FGD4: variants seen among roughly 807,000 people sequenced by gnomAD.
FGD4 encodes the protein FYVE, RhoGEF and PH domain-containing protein 4.
In FGD4, 42 loss-of-function variants were observed where a neutral mutation model predicts 102.0. The observed-to-expected ratio is 0.41, with a 90% CI of 0.32 to 0.53. The LOEUF is 0.53. FGD4 is among the 20% of genes least tolerant of loss of function. FGD4 has a pLI of 0.21. For missense variants in FGD4, 902 were observed against 1,078.2 expected, an observed-to-expected ratio of 0.84 and a Z score of 2.29; for synonymous variants, 380 against 375.7, an observed-to-expected ratio of 1.01 and a Z score of -0.13.
At chr12:32,437,978 T>C (rs1309223216) in intron 1 of FGD4, among the ~76,000 whole-genome samples, 1 of 152,162 alleles carries the variant, frequency 6.6e-6, no homozygotes, top group African/African-American at 2.4e-5. Flanking sequence ...CTGCAGGCTC[T>C]ACTCTCGGGT....
Position 32,640,925 on chromosome 12 carries a change from C to A in FGD4, c.*392C>A. The A allele has an allele frequency of 2.9e-6, 1 of 346,878 alleles. No homozygotes were observed. The highest frequency in any genetic ancestry group is 4.5e-5 in the Admixed American group (1 of 22,470). The allele number at this position is 346,878 out of a possible 1,614,324, so 21.5% of individuals were successfully genotyped here. A position where few individuals can be genotyped will look rare whatever the true frequency, so the allele number is the denominator to read the frequency against. ...TTTGAAAGATATACCTCCATGTTGC[C>A]AAAATAGATCCATGGTGAAAAATAC... On this transcript the variant is annotated 3_prime_UTR_variant, in exon 17 of 17. Coordinates refer to ENST00000534526, the MANE Select transcript of FGD4 (RefSeq NM_001370298.3).
intron 1 of FGD4, among the ~76,000 whole-genome samples, chr12:32,426,758 T>C (rs1378425777): frequency 6.6e-6 from 1 of 152,190 alleles, no homozygotes; most frequent in Non-Finnish European, 1.5e-5. Flanking sequence ...TATTGGTCTA[T>C]TCAGGAATTC....
chr12:32,595,515 A>G (rs1470521749), intron 4 of FGD4, among the ~76,000 whole-genome samples: 1 of 152,170 alleles, frequency 6.6e-6, no homozygotes, highest in Non-Finnish European at 1.5e-5. Context: ...TCCTATTGCC[A>G]AAGCCTTCAG....
intron 14 of FGD4, among the ~76,000 whole-genome samples, chr12:32,627,090 C>T (rs1394859117): frequency 2.6e-5 from 4 of 151,692 alleles, no homozygotes; most frequent in Non-Finnish European, 4.4e-5. Flanking sequence ...TCAGGTGATC[C>T]GCCCGCCTCG....
intron 1 of FGD4, among the ~76,000 whole-genome samples, chr12:32,495,695 C>CAAAAAAAAAAAAAA (rs766436638): frequency 8.8e-4 from 67 of 76,012 alleles, no homozygotes; most frequent in Middle Eastern, 7.8e-3. Context: ...GACTCTGTTT[C>CAAAAAAAAAAAAAA]AAAAAAAAAA....
chr12:32,513,470 A>T (rs769982491), intron 1 of FGD4, among the ~76,000 whole-genome samples: 14 of 152,182 alleles, frequency 9.2e-5, no homozygotes, highest in Non-Finnish European at 1.9e-4. Context: ...CTGCCAGGCA[A>T]CATGGTTCTT....
At chr12:32,457,204 A>G (rs991517730) in intron 1 of FGD4, among the ~76,000 whole-genome samples, 1 of 151,278 alleles carries the variant, frequency 6.6e-6, no homozygotes, top group Non-Finnish European at 1.5e-5. Flanking sequence ...ACCAAGAAAA[A>G]CAGTGAAGTT....
intron 8 of FGD4, among the ~76,000 whole-genome samples, chr12:32,609,746 A>G (rs1949025528): frequency 6.6e-6 from 1 of 152,224 alleles, no homozygotes; most frequent in African/African-American, 2.4e-5. Context: ...CATTCTGTCC[A>G]GCAGTACACT....
intron 1 of FGD4, among the ~76,000 whole-genome samples, chr12:32,495,435 G>C (rs959046668): frequency 3.3e-5 from 5 of 152,100 alleles, no homozygotes; most frequent in African/African-American, 1.2e-4. Flanking sequence ...GGTGGCTCAC[G>C]CCTGTAATCC....
At chr12:32,511,249 T>C (rs1939330036) in intron 1 of FGD4, 1 of 152,238 alleles carries the variant, frequency 6.6e-6, no homozygotes, top group Non-Finnish European at 1.5e-5. Flanking sequence ...GCAACCATGG[T>C]AAATCTGCTT....
At chr12:32,531,824 G>A (rs1392771973) in intron 1 of FGD4, among the ~76,000 whole-genome samples, 1 of 152,194 alleles carries the variant, frequency 6.6e-6, no homozygotes, top group East Asian at 1.9e-4. Flanking sequence ...CCCACCTGAT[G>A]AGAAACTGCT....
rs1009392285 is a variant in FGD4, at chr12:32,563,490, A to C, written c.167-647A>C. Among the ~76,000 whole-genome samples the C allele has an allele frequency of 7.3e-5, 11 of 149,960 alleles. No homozygotes were observed. In the South Asian group the frequency reaches 8.4e-4, roughly 11 times the overall value. ...TCACTTCCTAGATGAGATGGCGGCC[A>C]GGCAGAGACACTCCTCACTTTCCAG... On this transcript the variant is annotated intron_variant, in intron 1 of 16. Coordinates refer to ENST00000534526, the MANE Select transcript of FGD4 (RefSeq NM_001370298.3).
chr12:32,518,761 G>T (rs1940170134), intron 1 of FGD4, among the ~76,000 whole-genome samples: 2 of 151,754 alleles, frequency 1.3e-5, no homozygotes, highest in Non-Finnish European at 2.9e-5. Flanking sequence ...CTATTTAATG[G>T]CACGATATTT....
chr12:32,517,284 G>GTAT (rs1318318491), intron 1 of FGD4, among the ~76,000 whole-genome samples: 2 of 151,966 alleles, frequency 1.3e-5, no homozygotes, highest in African/African-American at 4.8e-5. Context: ...CATGCAACAG[G>GTAT]TATTACCATG....
intron 1 of FGD4, among the ~76,000 whole-genome samples, chr12:32,446,886 G>C (rs1942631152): frequency 6.6e-6 from 1 of 152,170 alleles, no homozygotes; most frequent in South Asian, 2.1e-4. Context: ...GCACAGGTAG[G>C]ATTTAGCAGT....
intron 1 of FGD4, among the ~76,000 whole-genome samples, chr12:32,416,842 A>T (rs1170620600): frequency 3.3e-5 from 5 of 151,448 alleles, no homozygotes; most frequent in Non-Finnish European, 4.4e-5. Context: ...ATTACCAGTG[A>T]GTTTTGTACC....
chr12:32,471,342 G>A (rs11052015), intron 1 of FGD4, among the ~76,000 whole-genome samples: 16,804 of 152,098 alleles, frequency 0.11, 1,012 homozygotes, highest in Middle Eastern at 0.29. Flanking sequence ...TCATCCATCC[G>A]TATCTCTCTC....
chr12:32,500,533 A>G (rs1427280231), intron 1 of FGD4, among the ~76,000 whole-genome samples: 2 of 151,982 alleles, frequency 1.3e-5, no homozygotes, highest in African/African-American at 4.8e-5. Flanking sequence ...TCCCAGGTTC[A>G]AGAGATTCTC....
intron 1 of FGD4, among the ~76,000 whole-genome samples, chr12:32,472,381 C>G (rs878888652): frequency 6.6e-6 from 1 of 151,212 alleles, no homozygotes; most frequent in African/African-American, 2.5e-5. Context: ...GCCCCGCACT[C>G]GGAGCAGCCA....
Sources: gnomAD v4.1 joint callset for allele counts (sites outside exome capture counted in the v4.1 genomes callset) on GRCh38, gnomAD v4.1.1 for gene constraint, MANE v1.5 for transcripts, NCBI Gene and HGNC (gene_info 2026-07-23, HGNC 2026-07-21) for gene names.